Variants in ZFAT observed in about 807,000 individuals in gnomAD.
ZFAT encodes zinc finger and AT-hook domain containing.
A neutral mutation model predicts 117.7 loss-of-function variants in ZFAT; 64 were observed. The ratio of observed to expected loss-of-function variants is 0.54; its 90% CI spans 0.44 to 0.67. ZFAT has a LOEUF of 0.67. Among genes scored for constraint, ZFAT ranks in the 30% least tolerant of loss-of-function variants. The probability of loss-of-function intolerance (pLI) is 0.00; values close to 1 mark genes in which losing one functional copy is unlikely to be tolerated. For missense variants in ZFAT, 1,433 were observed against 1,584.5 expected (o/e 0.90, Z 1.62); for synonymous variants, 679 against 615.0 (o/e 1.10, Z -1.54).
At chr8:134,831,964 C>T in the ZFAT span, among the ~76,000 whole-genome samples, 33 of 151,456 alleles carry the variant, frequency 2.2e-4, 1 homozygote, top group East Asian at 6.5e-3. Context: ...ACGCCCTCTC[C>T]CGCCCCAAGG....
chr8:134,626,412 C>T (rs989431586), intron 3 of ZFAT, among the ~76,000 whole-genome samples: 6 of 152,230 alleles, frequency 3.9e-5, no homozygotes, highest in Admixed American at 1.3e-4. Context: ...ACTTCCTTCA[C>T]CTAGCAGAGC....
Position 134,565,800 on chromosome 8 carries a change from CGGAGCAGCTGCATCTTCCTTCCTGGAGA to C in ZFAT, c.2888-407_2888-380del, listed in dbSNP as rs547359866. The C allele has an allele frequency of 2.8e-3, 844 of 305,908 alleles. 1 individual carries two copies. The highest frequency in any genetic ancestry group is 4.4e-3 in the Non-Finnish European group (703 of 161,064). 18.9% of individuals were successfully genotyped at this position (305,908 alleles called of 1,614,324 possible). A position where few individuals can be genotyped will look rare whatever the true frequency, so the allele number is the denominator to read the frequency against. ...ATGGACCACAGGGTGCTCAGGAAAGCGGAGCAGCTGCATCTTCCTTCCTGGAGAGGAGCAGCTGCATCTTCCTTCCTGG... is the reference window on the plus strand; with the variant it reads ...ATGGACCACAGGGTGCTCAGGAAAGCGGAGCAGCTGCATCTTCCTTCCTGG... On this transcript the variant is annotated intron_variant, in intron 10 of 15. Transcript: ENST00000377838.
intron 11 of ZFAT, among the ~76,000 whole-genome samples, chr8:134,559,952 T>A (rs1228146292): frequency 6.6e-6 from 1 of 152,194 alleles, no homozygotes; most frequent in Non-Finnish European, 1.5e-5. Context: ...AAAATAAAAA[T>A]AATTCCAGCT....
At position 134,588,115 on chromosome 8, in the gene ZFAT, A is replaced by G. The variant is rs932926016; in HGVS notation, c.2713+131T>C. 2.1e-5 allele frequency: 23 copies of G among 1,107,812 alleles called. No homozygotes were observed. In the African/African-American group the frequency reaches 2.9e-4, roughly 14 times the overall value. 68.6% of individuals were successfully genotyped at this position (1,107,812 alleles called of 1,614,324 possible). On this transcript the variant is annotated intron_variant, in intron 9 of 15. Transcript: ENST00000377838. ...CTGTTTGTAGCTGGTTGATGGACAC[A>G]TCTCTCAGTGTGCTAAGGAAATTCT...
chr8:134,569,889 T>C (rs1824763601), intron 10 of ZFAT, among the ~76,000 whole-genome samples: 1 of 152,248 alleles, frequency 6.6e-6, no homozygotes, highest in African/African-American at 2.4e-5. Flanking sequence ...AAAAGGTTTG[T>C]ACAACTATAT....
At chr8:134,549,410 C>T (rs978471792) in intron 11 of ZFAT, among the ~76,000 whole-genome samples, 3 of 149,390 alleles carry the variant, frequency 2.0e-5, no homozygotes, top group Non-Finnish European at 4.4e-5. Flanking sequence ...CACTGTATTC[C>T]AGCCTGGGCG....
At chr8:134,793,440 G>A in the ZFAT span, 5 of 152,328 alleles carry the variant, frequency 3.3e-5, no homozygotes, top group Admixed American at 6.5e-5. Flanking sequence ...AGTGTGCTAC[G>A]TCAGAGGTCC....
At chr8:134,752,654 T>C in the ZFAT span, among the ~76,000 whole-genome samples, 3 of 152,188 alleles carry the variant, frequency 2.0e-5, no homozygotes, top group Non-Finnish European at 4.4e-5. Context: ...CCCACAGTTC[T>C]GGATGCTGGA....
At chr8:134,651,188 C>G (rs1377642023) in intron 2 of ZFAT, among the ~76,000 whole-genome samples, 1 of 141,240 alleles carries the variant, frequency 7.1e-6, no homozygotes, top group Non-Finnish European at 1.5e-5. Flanking sequence ...TGGTATATAT[C>G]CAAGAGAAAT....
intron 7 of ZFAT, among the ~76,000 whole-genome samples, chr8:134,597,382 A>G (rs1048819838): frequency 6.6e-6 from 1 of 152,202 alleles, no homozygotes; most frequent in Non-Finnish European, 1.5e-5. Flanking sequence ...AATAACCTGG[A>G]GTAAATACAA....
At chr8:134,686,145 C>T (rs1318785007) in intron 1 of ZFAT, among the ~76,000 whole-genome samples, 4 of 152,250 alleles carry the variant, frequency 2.6e-5, no homozygotes, top group Admixed American at 1.3e-4. Context: ...ACTCTGACCA[C>T]AGATTGGCCG....
the ZFAT span, among the ~76,000 whole-genome samples, chr8:134,781,700 C>T: frequency 6.6e-6 from 1 of 152,108 alleles, no homozygotes; most frequent in African/African-American, 2.4e-5. Flanking sequence ...CTCCTGCCTC[C>T]TTTTCTACCT....
At chr8:134,747,336 C>T in the ZFAT span, among the ~76,000 whole-genome samples, 2 of 152,268 alleles carry the variant, frequency 1.3e-5, no homozygotes, top group East Asian at 3.9e-4. Context: ...ATGATCCTCC[C>T]ACCTCAGCCT....
At chr8:134,595,743 G>A (rs561646601) in intron 7 of ZFAT, among the ~76,000 whole-genome samples, 24 of 152,324 alleles carry the variant, frequency 1.6e-4, no homozygotes, top group Admixed American at 1.5e-3. Flanking sequence ...GGAAGAAGGA[G>A]GTAGTGGGAA....
chr8:134,586,505 G>A (rs1826078909), intron 9 of ZFAT, among the ~76,000 whole-genome samples: 1 of 152,204 alleles, frequency 6.6e-6, no homozygotes. Context: ...TTCTTCTCAT[G>A]TGAGTACAAT....
chr8:134,773,984 ATTTTTT>A, the ZFAT span, among the ~76,000 whole-genome samples: 75 of 103,290 alleles, frequency 7.3e-4, 1 homozygote, highest in African/African-American at 7.4e-4. Context: ...TTGAGGATTA[ATTTTTT>A]TTTTTTTTTT....
the ZFAT span, among the ~76,000 whole-genome samples, chr8:134,726,741 G>A: frequency 3.3e-5 from 5 of 150,900 alleles, no homozygotes; most frequent in South Asian, 4.2e-4. Flanking sequence ...AGCTGGGACC[G>A]CAGGTGAACG....
chr8:134,497,934 C>T (rs1402432579), intron 15 of ZFAT, among the ~76,000 whole-genome samples: 3 of 143,526 alleles, frequency 2.1e-5, no homozygotes, highest in African/African-American at 7.9e-5. Context: ...GCCCCTGCTG[C>T]TGGTTACACA....
At chr8:134,622,682 C>A (rs1372649930) in intron 3 of ZFAT, among the ~76,000 whole-genome samples, 1 of 152,174 alleles carries the variant, frequency 6.6e-6, no homozygotes, top group African/African-American at 2.4e-5. Flanking sequence ...AAGGACCACA[C>A]AATGGGCCCT....
Sources: gnomAD v4.1 joint callset for allele counts (sites outside exome capture counted in the v4.1 genomes callset) on GRCh38, gnomAD v4.1.1 for gene constraint, MANE v1.5 for transcripts, NCBI Gene and HGNC (gene_info 2026-07-23, HGNC 2026-07-21) for gene names.